PSD3: variants seen among roughly 807,000 people sequenced by gnomAD.
PSD3 encodes PH and SEC7 domain-containing protein 3.
A neutral mutation model predicts 105.5 loss-of-function variants in PSD3; 49 were observed. The observed-to-expected ratio is 0.46, with a 90% CI of 0.37 to 0.59. The LOEUF is 0.59. Among genes scored for constraint, PSD3 ranks in the 20% least tolerant of loss-of-function variants. The pLI, the probability that PSD3 is intolerant of heterozygous loss-of-function variation, is 0.00. For synonymous variants in PSD3, 557 were observed against 457.8 expected, an observed-to-expected ratio of 1.22 and a Z score of -2.77; for missense variants, 1,561 against 1,263.8, an observed-to-expected ratio of 1.24 and a Z score of -3.57.
At chr8:18,677,073 G>A (rs1365766444) in intron 9 of PSD3, among the ~76,000 whole-genome samples, 1 of 152,206 alleles carries the variant, frequency 6.6e-6, no homozygotes, top group East Asian at 1.9e-4. Flanking sequence ...TCTATCAGGA[G>A]CATAGTGTGC....
chr8:18,869,132 T>C (rs557916751), intron 3 of PSD3, among the ~76,000 whole-genome samples: 1 of 151,122 alleles, frequency 6.6e-6, no homozygotes, highest in African/African-American at 2.4e-5. Context: ...AACTGGACCG[T>C]TCCTAAGATG....
chr8:19,014,422 C>T (rs1398215128), upstream of PSD3: 2 of 152,322 alleles, frequency 1.3e-5, no homozygotes, highest in Non-Finnish European at 2.9e-5. The surrounding 1 kb of genome is among the most constrained non-coding windows in gnomAD (Gnocchi z 4.9). Context: ...CTTAAAACTG[C>T]ATTTTCGAAC....
chr8:18,847,263 A>C (rs745932584), intron 4 of PSD3, among the ~76,000 whole-genome samples: 2 of 152,190 alleles, frequency 1.3e-5, no homozygotes, highest in African/African-American at 4.8e-5. Context: ...TTCCTGGAAA[A>C]GGTGCAATTG....
intron 14 of PSD3, among the ~76,000 whole-genome samples, chr8:18,559,507 C>A (rs1005924328): frequency 2.6e-5 from 4 of 152,006 alleles, no homozygotes; most frequent in Non-Finnish European, 5.9e-5. Flanking sequence ...GTTAAGAAAT[C>A]AAACTCTTTC....
chr8:18,726,472 A>G (rs527856616), intron 9 of PSD3, among the ~76,000 whole-genome samples: 2 of 152,340 alleles, frequency 1.3e-5, no homozygotes, highest in South Asian at 4.1e-4. Context: ...GATTATAATC[A>G]TTACGTTATT....
intron 4 of PSD3, among the ~76,000 whole-genome samples, chr8:18,817,095 G>A (rs1812279480): frequency 6.6e-6 from 1 of 152,154 alleles, no homozygotes; most frequent in South Asian, 2.1e-4. Context: ...GGAGAGGAGT[G>A]AGCAAGGGGA....
At chr8:18,653,370 A>C (rs1004450614) in intron 10 of PSD3, among the ~76,000 whole-genome samples, 2 of 93,438 alleles carry the variant, frequency 2.1e-5, no homozygotes, top group African/African-American at 5.5e-5. Context: ...AAAAAAAGAC[A>C]AAAAAAAAAA....
intron 1 of PSD3, among the ~76,000 whole-genome samples, chr8:19,070,588 G>C (rs905912157): frequency 1.3e-5 from 2 of 152,168 alleles, no homozygotes; most frequent in Non-Finnish European, 2.9e-5. Context: ...TGAGGCAGGA[G>C]AATCGCTTAA....
At chr8:18,805,305 T>C (rs1183334075) in intron 4 of PSD3, among the ~76,000 whole-genome samples, 1 of 152,114 alleles carries the variant, frequency 6.6e-6, no homozygotes, top group Admixed American at 6.6e-5. Flanking sequence ...GAACTAAAAT[T>C]CACTGTTTTT....
rs1019146093 is a variant in PSD3, at chr8:18,970,866, C to A, written c.22-34724G>T. ...ACTACTTGGGAGGCTGTAGTCCCAA[C>A]TACTTGGGAGGCTGAGACAGGAGAA... is the stretch of plus-strand genomic sequence containing the variant. On this transcript the variant is annotated intron_variant, in intron 1 of 15. Coordinates refer to ENST00000327040, the MANE Select transcript of PSD3 (RefSeq NM_015310.4). Among the ~76,000 whole-genome samples, 9 of 151,826 alleles carry A rather than the reference C, an allele frequency of 5.9e-5. No individual in the cohort carries two copies. In the South Asian group the frequency reaches 1.9e-3, roughly 32 times the overall value.
intron 8 of PSD3, among the ~76,000 whole-genome samples, chr8:18,775,712 T>C (rs972836642): frequency 2.6e-5 from 4 of 152,182 alleles, no homozygotes; most frequent in African/African-American, 7.2e-5. Context: ...GAGTTACTTA[T>C]ATATTCTGGT....
chr8:18,631,207 T>C (rs922174019), intron 11 of PSD3, among the ~76,000 whole-genome samples: 6 of 152,084 alleles, frequency 3.9e-5, no homozygotes, highest in Admixed American at 1.3e-4. Flanking sequence ...GGCAAAAGTA[T>C]TATTCAATGT....
intron 1 of PSD3, among the ~76,000 whole-genome samples, chr8:18,968,700 C>T (rs913835234): frequency 2.0e-5 from 3 of 151,924 alleles, no homozygotes; most frequent in Non-Finnish European, 4.4e-5. Context: ...CATGGTGAAA[C>T]CCCGTCTCTA....
At chr8:18,612,369 T>A (rs1236259870) in intron 11 of PSD3, among the ~76,000 whole-genome samples, 1 of 139,102 alleles carries the variant, frequency 7.2e-6, no homozygotes, top group South Asian at 2.4e-4. Flanking sequence ...TTAACGTTAC[T>A]GATGCATTTT....
At chr8:18,605,702 G>T (rs1804777577) in intron 11 of PSD3, among the ~76,000 whole-genome samples, 1 of 152,162 alleles carries the variant, frequency 6.6e-6, no homozygotes, top group Admixed American at 6.5e-5. Context: ...TCCCAGTGTT[G>T]GAGGTGGGGC....
At chr8:18,643,424 A>C (rs984507231) in intron 10 of PSD3, among the ~76,000 whole-genome samples, 6 of 152,186 alleles carry the variant, frequency 3.9e-5, no homozygotes, top group African/African-American at 1.4e-4. Flanking sequence ...ACCAACTCAG[A>C]AGTCCGAAGT....
chr8:19,066,748 A>G (rs1388857588), intron 1 of PSD3, among the ~76,000 whole-genome samples: 1 of 152,234 alleles, frequency 6.6e-6, no homozygotes, highest in Non-Finnish European at 1.5e-5. Context: ...TCTTTCAAAC[A>G]TTAACTGAAA....
intron 4 of PSD3, among the ~76,000 whole-genome samples, chr8:18,815,129 A>G (rs1004707048): frequency 2.6e-5 from 4 of 152,202 alleles, no homozygotes; most frequent in Admixed American, 6.5e-5. Flanking sequence ...AAATGCTACA[A>G]TCTAGCCAGG....
chr8:18,868,593 G>A (rs1174505501), intron 3 of PSD3, among the ~76,000 whole-genome samples: 1 of 152,134 alleles, frequency 6.6e-6, no homozygotes, highest in Non-Finnish European at 1.5e-5. Flanking sequence ...CAGCACTGCA[G>A]AGAGATTTCA....
Sources: gnomAD v4.1 joint callset for allele counts (sites outside exome capture counted in the v4.1 genomes callset) on GRCh38, gnomAD v4.1.1 for gene constraint, Gnocchi (gnomAD v3.1) non-coding constraint, MANE v1.5 for transcripts, NCBI Gene and HGNC (gene_info 2026-07-23, HGNC 2026-07-21) for gene names.